Variants in BCAT2 observed in about 807,000 individuals in gnomAD.
The protein encoded by BCAT2 is branched-chain-amino-acid aminotransferase, mitochondrial.
Under a neutral mutation model 52.9 loss-of-function variants are expected in BCAT2, and 44 were observed. The observed-to-expected ratio is 0.83, with a 90% CI of 0.65 to 1.07. BCAT2 has a LOEUF of 1.07. Among genes scored for constraint, BCAT2 ranks in the 50% least tolerant of loss-of-function variants. The probability of loss-of-function intolerance (pLI) is 0.00; values close to 1 mark genes in which losing one functional copy is unlikely to be tolerated. For synonymous variants in BCAT2, 215 were observed against 217.1 expected (o/e 0.99, Z 0.08); for missense variants, 478 against 521.8 (o/e 0.92, Z 0.82).
At position 48,796,701 on chromosome 19, in the gene BCAT2, C is replaced by T. The variant is rs1281176695; in HGVS notation, c.942G>A (p.Val314=). Residue 314 remains valine (V), a synonymous_variant, in exon 9 of 11, where the codon GTG becomes GTA. Coordinates refer to ENST00000316273, the MANE Select transcript of BCAT2 (RefSeq NM_001190.4). ...ACTGCTTCATGGTGATCGTGCGCTC[C>T]ACCACCCGGAACTCACCCTGCAGGG... ...MAQTWGEFRV[V]ERTITMKQLL... 1.2e-6 allele frequency: 2 copies of T among 1,612,312 alleles called. No homozygotes were observed. The highest frequency in any genetic ancestry group is 1.1e-5 in the South Asian group (1 of 90,952).
chr19:48,804,564 A>C (rs1031304917), intron 3 of BCAT2, among the ~76,000 whole-genome samples: 2 of 152,158 alleles, frequency 1.3e-5, no homozygotes, highest in Non-Finnish European at 2.9e-5. Flanking sequence ...ATAAGAAAAA[A>C]TAAAATAAAA....
Position 48,807,561 on chromosome 19 carries a change from G to C in BCAT2, c.25-487C>G, listed in dbSNP as rs140641254. On this transcript the variant is annotated intron_variant, in intron 1 of 10. Transcript: ENST00000316273. This position sits in a 1 kb window ranked among gnomAD's most constrained non-coding sequence, Gnocchi z 4.6. ...AGCTGCCTCCTCCCTCAGACCCGAA[G>C]TCTGGGCCCCCAGCCCCTCCTCCCT... 6.1e-5 allele frequency: 19 copies of C among 310,870 alleles called. No individual in the cohort carries two copies. Among genetic ancestry groups the C allele is most frequent in the African/African-American group, 4.3e-4 (19 of 44,172 alleles). 19.3% of individuals were successfully genotyped at this position (310,870 alleles called of 1,614,324 possible). A position where few individuals can be genotyped will look rare whatever the true frequency, so the allele number is the denominator to read the frequency against.
intron 6 of BCAT2, among the ~76,000 whole-genome samples, chr19:48,797,889 T>G (rs896804072): frequency 1.3e-5 from 2 of 151,332 alleles, no homozygotes; most frequent in African/African-American, 4.9e-5. Context: ...CGATCTCAGC[T>G]CACTGCAACC....
At chr19:48,797,129 G>T in intron 7 of BCAT2, 62 bp downstream of exon 7, 6 of 1,607,672 alleles carry the variant, frequency 3.7e-6, no homozygotes, top group Non-Finnish European at 5.1e-6. Flanking sequence ...CCTGTAACCT[G>T]CCAGGAATGA....
chr19:48,796,147 C>G (rs911512090), intron 10 of BCAT2: 4 of 520,152 alleles, frequency 7.7e-6, no homozygotes, highest in African/African-American at 5.8e-5. Flanking sequence ...TTTCTCCTAC[C>G]AGGGCACCCA....
intron 1 of BCAT2, among the ~76,000 whole-genome samples, chr19:48,808,551 G>A (rs992428449): frequency 6.6e-6 from 1 of 152,202 alleles, no homozygotes; most frequent in African/African-American, 2.4e-5. Flanking sequence ...GAGGCCAGGT[G>A]TTCAAGACCA....
chr19:48,807,120 G>A lies in BCAT2; in HGVS notation c.25-46C>T. 6.5e-7 allele frequency: 1 copy of A among 1,546,424 alleles called. No individual in the cohort carries two copies. The highest frequency in any genetic ancestry group is 2.2e-5 in the East Asian group (1 of 44,456). On this transcript the variant is annotated intron_variant, in intron 1 of 10. Transcript: ENST00000316273. This position sits in a 1 kb window ranked among gnomAD's most constrained non-coding sequence, Gnocchi z 4.6. The stretch of plus-strand genomic sequence containing the variant: ...GAGAGGGGGTGAGTGGGGCACAGCA[G>A]GGGCCCTGGCAGCTCGCTCGCCACC...
chr19:48,800,013 G>A lies in BCAT2; in HGVS notation c.499C>T (p.Leu167Phe), dbSNP rs377598825. 6.2e-7 allele frequency: 1 copy of A among 1,613,390 alleles called. No individual in the cohort carries two copies. Among genetic ancestry groups the A allele is most frequent in the African/African-American group, 1.3e-5 (1 of 75,058 alleles). ...CCAATGAGCACAGGCCGCACATAGA[G>A]GCTGGTGCCGGCGGCATCGGGGACC... is the stretch of plus-strand genomic sequence containing the variant. ...DWVPDAAGTS[L>F]YVRPVLIGNE... The change falls in exon 5 of 11, where the codon CTC becomes TTC. Residue 167 changes from leucine (L) to phenylalanine (F), a missense_variant. By Grantham distance (22) the Leu-to-Phe change is conservative. Transcript: ENST00000316273.
At chr19:48,802,441 CTTTTTT>C (rs35775607) in intron 3 of BCAT2, among the ~76,000 whole-genome samples, 3 of 87,020 alleles carry the variant, frequency 3.4e-5, no homozygotes, top group East Asian at 7.3e-4. Flanking sequence ...TACTGGATTC[CTTTTTT>C]TTTTTTTTTT....
At chr19:48,805,254 C>A (rs1330146568) in intron 3 of BCAT2, among the ~76,000 whole-genome samples, 1 of 152,116 alleles carries the variant, frequency 6.6e-6, no homozygotes, top group Non-Finnish European at 1.5e-5. Context: ...TTCACAGTAT[C>A]TCAGGCTCAC....
At chr19:48,796,555 C>T in intron 9 of BCAT2, 23 bp downstream of exon 9, 1 of 1,611,166 alleles carries the variant, frequency 6.2e-7, no homozygotes, top group Non-Finnish European at 8.5e-7. Context: ...TCCCTCCCAC[C>T]CACAATGGCA....
In BCAT2 at chr19:48,799,939, A is replaced by T. The variant is rs2034617403; in HGVS notation, c.531+42T>A. 1 of 1,608,844 alleles carries T rather than the reference A, an allele frequency of 6.2e-7. No individual in the cohort carries two copies. Among genetic ancestry groups the T allele is most frequent in the African/African-American group, 1.3e-5 (1 of 74,758 alleles). On this transcript the variant is annotated intron_variant, in intron 5 of 10. Coordinates refer to ENST00000316273, the MANE Select transcript of BCAT2 (RefSeq NM_001190.4). The surrounding 1 kb of genome is among the most constrained non-coding windows in gnomAD (Gnocchi z 5.5). ...ACCCCACCCCTGCCCTGCAGAATCC[A>T]ACCCCCGCAGCCCAGCTTCCCAGCC... is the stretch of plus-strand genomic sequence containing the variant.
intron 6 of BCAT2, chr19:48,797,664 C>T (rs2034559062): frequency 9.9e-6 from 3 of 302,636 alleles, no homozygotes; most frequent in Admixed American, 4.7e-5. Context: ...GATTCTCCTG[C>T]CTCAGCCTCT....
intron 3 of BCAT2, among the ~76,000 whole-genome samples, chr19:48,802,685 T>A (rs1355869096): frequency 6.6e-6 from 1 of 151,902 alleles, no homozygotes; most frequent in African/African-American, 2.4e-5. Flanking sequence ...TGACCTCAGG[T>A]GACCCACCTG....
intron 1 of BCAT2, among the ~76,000 whole-genome samples, chr19:48,808,894 C>T (rs943276258): frequency 6.6e-6 from 1 of 151,486 alleles, no homozygotes; most frequent in African/African-American, 2.4e-5. Context: ...GGCAATATAG[C>T]AAGACCCTGT....
intron 1 of BCAT2, chr19:48,810,690 C>T: frequency 1.0e-6 from 1 of 954,782 alleles, no homozygotes; most frequent in Middle Eastern, 3.7e-4. Flanking sequence ...TCACAACCTC[C>T]CCACCCCCAC....
Position 48,799,729 on chromosome 19 carries a change from T to A in BCAT2, c.641A>T (p.Asp214Val), listed in dbSNP as rs1453647880. The change falls in exon 6 of 11, where the codon GAC becomes GTC. Residue 214 changes from aspartate to valine, a missense_variant. Physicochemically the swap from Asp to Val is radical, Grantham distance 152 (BLOSUM62 -3). Transcript: ENST00000316273. The surrounding 1 kb of genome is among the most constrained non-coding windows in gnomAD (Gnocchi z 5.5). Reference protein sequence around the residue: ...GSVTPVSLLADPAFIRAWVGG... With the variant: ...GSVTPVSLLAVPAFIRAWVGG... ...CACCCAGGCCCGGATGAAGGCTGGGTCGGCCAGGAGGGAGACCGGGGTCAC... is the reference window on the plus strand; with the variant it reads ...CACCCAGGCCCGGATGAAGGCTGGGACGGCCAGGAGGGAGACCGGGGTCAC... The A allele has an allele frequency of 6.3e-7, 1 of 1,595,104 alleles. No homozygotes were observed. Among genetic ancestry groups the A allele is most frequent in the Admixed American group, 1.8e-5 (1 of 55,892 alleles).
In BCAT2 at chr19:48,807,028, G is replaced by A; in HGVS notation, c.71C>T (p.Pro24Leu). 6.2e-7 allele frequency: 1 copy of A among 1,613,924 alleles called. No individual in the cohort carries two copies. The highest frequency in any genetic ancestry group is 8.5e-7 in the Non-Finnish European group (1 of 1,179,928). ...GAAACTGGAGGAGGCATATCTTCTG[G>A]GACCACACAGAAGCCAAGGGACAGA... is the stretch of plus-strand genomic sequence containing the variant. ...LLSVPWLLCG[P>L]RRYASSSFKA... The change falls in exon 2 of 11, where the codon CCC becomes CTC. Residue 24 changes from proline (P) to leucine (L), a missense_variant. Transcript: ENST00000316273. This position sits in a 1 kb window ranked among gnomAD's most constrained non-coding sequence, Gnocchi z 4.6.
intron 3 of BCAT2, among the ~76,000 whole-genome samples, chr19:48,802,345 C>T (rs1031722889): frequency 1.3e-5 from 2 of 151,578 alleles, no homozygotes; most frequent in Non-Finnish European, 2.9e-5. Context: ...AGATTACAAG[C>T]ATACATATCC....
Sources: gnomAD v4.1 joint callset for allele counts (sites outside exome capture counted in the v4.1 genomes callset) on GRCh38, gnomAD v4.1.1 for gene constraint, Gnocchi (gnomAD v3.1) non-coding constraint, MANE v1.5 for transcripts, NCBI Gene and HGNC (gene_info 2026-07-23, HGNC 2026-07-21) for gene names.